The following MYO1E variants were observed in gnomAD, a reference collection of about 807,000 sequenced individuals.
The protein encoded by MYO1E is myosin IE.
In MYO1E, 68 loss-of-function variants were observed where a neutral mutation model predicts 151.1. The ratio of observed to expected loss-of-function variants is 0.45; its 90% CI spans 0.37 to 0.55. The LOEUF is 0.55. Ranked by LOEUF, MYO1E falls within the 20% of genes least tolerant of loss-of-function variation. MYO1E has a pLI of 0.00. For synonymous variants in MYO1E, 601 were observed against 501.7 expected, an observed-to-expected ratio of 1.20 and a Z score of -2.64; for missense variants, 1,363 against 1,389.3, an observed-to-expected ratio of 0.98 and a Z score of 0.30.
At chr15:59,184,549 C>G (rs1218768980) in intron 18 of MYO1E, among the ~76,000 whole-genome samples, 1 of 148,964 alleles carries the variant, frequency 6.7e-6, no homozygotes. Context: ...TTAGTAGAGA[C>G]AGGGTTTCAC....
chr15:59,167,981 A>G (rs1188326480), intron 22 of MYO1E, among the ~76,000 whole-genome samples: 3 of 151,978 alleles, frequency 2.0e-5, no homozygotes, highest in Non-Finnish European at 4.4e-5. Flanking sequence ...ACCCAGCCTA[A>G]TTTTTATTTA....
rs924960906 is a variant in MYO1E, at chr15:59,208,970, G to A, written c.1363-122C>T. Reference sequence around the variant, plus strand: ...ACTTAAGATACCATCTTGAAAGTCAGTATTCCCCTTCAGGCAAGAATGCAA... The same window carrying A: ...ACTTAAGATACCATCTTGAAAGTCAATATTCCCCTTCAGGCAAGAATGCAA... On this transcript the variant is annotated intron_variant, in intron 13 of 27. Coordinates refer to ENST00000288235, the MANE Select transcript of MYO1E (RefSeq NM_004998.4). 3.4e-5 allele frequency: 40 copies of A among 1,188,558 alleles called. No individual in the cohort carries two copies. In the South Asian group the frequency reaches 4.5e-4, roughly 13 times the overall value. The allele number at this position is 1,188,558 out of a possible 1,614,324, so 73.6% of individuals were successfully genotyped here. A position where few individuals can be genotyped will look rare whatever the true frequency, so the allele number is the denominator to read the frequency against.
chr15:59,202,496 G>A (rs1048632428), intron 15 of MYO1E, 89 bp from the exon 16 acceptor site: 20 of 1,173,744 alleles, frequency 1.7e-5, no homozygotes, highest in East Asian at 1.2e-4. Flanking sequence ...GTGAAGGGCC[G>A]TCCCCAGGCA....
chr15:59,276,640 C>T (rs1375589489), intron 1 of MYO1E, among the ~76,000 whole-genome samples: 1 of 152,138 alleles, frequency 6.6e-6, no homozygotes, highest in Non-Finnish European at 1.5e-5. Context: ...AGGGTACGCC[C>T]CTATCCACAT....
At chr15:59,366,793 C>T (rs2080916371) in intron 1 of MYO1E, among the ~76,000 whole-genome samples, 1 of 152,068 alleles carries the variant, frequency 6.6e-6, no homozygotes, top group East Asian at 1.9e-4. Context: ...AAATTCAAAA[C>T]ACAATTTGTT....
At chr15:59,210,859 T>G (rs2079874514) in intron 12 of MYO1E, among the ~76,000 whole-genome samples, 2 of 152,006 alleles carry the variant, frequency 1.3e-5, no homozygotes, top group African/African-American at 4.8e-5. Context: ...TACAATTTAG[T>G]AGCACCGAAC....
At chr15:59,366,231 G>A (rs986606089) in intron 1 of MYO1E, among the ~76,000 whole-genome samples, 5 of 151,842 alleles carry the variant, frequency 3.3e-5, no homozygotes. Context: ...TGCCCACCTC[G>A]GCCCCCCAAA....
chr15:59,272,378 C>T lies in MYO1E; in HGVS notation c.75G>A (p.Val25=). 8 of 1,614,042 alleles carry T rather than the reference C, an allele frequency of 5.0e-6. No individual in the cohort carries two copies. Among genetic ancestry groups the T allele is most frequent in the Non-Finnish European group, 6.8e-6 (8 of 1,179,856 alleles). The part of the protein sequence containing the change: ...NVKHSGVDDM[V]LLSKITENSI... ...AGTTCTCTGTGATCTTGGACAGTAG[C>T]ACCATGTCGTCCACACCACTGTGCT... Residue 25 remains valine (V), a synonymous_variant, in exon 2 of 28, where the codon GTG becomes GTA. Transcript: ENST00000288235.
At chr15:59,328,881 T>C (rs1197247825) in intron 1 of MYO1E, among the ~76,000 whole-genome samples, 11 of 152,174 alleles carry the variant, frequency 7.2e-5, no homozygotes, top group African/African-American at 2.7e-4. Context: ...TCTTAGACTC[T>C]GTGGGAGGGC....
chr15:59,164,960 A>T (rs2079555988), intron 22 of MYO1E, among the ~76,000 whole-genome samples: 1 of 152,162 alleles, frequency 6.6e-6, no homozygotes, highest in African/African-American at 2.4e-5. Flanking sequence ...CTTACAGAAG[A>T]GGTATGACAG....
At chr15:59,286,862 A>G (rs1457392861) in intron 1 of MYO1E, among the ~76,000 whole-genome samples, 1 of 152,154 alleles carries the variant, frequency 6.6e-6, no homozygotes, top group Non-Finnish European at 1.5e-5. Context: ...TTAGGGTATC[A>G]ATGACACATG....
intron 1 of MYO1E, among the ~76,000 whole-genome samples, chr15:59,275,480 C>T (rs2080313130): frequency 6.6e-6 from 1 of 152,112 alleles, no homozygotes; most frequent in African/African-American, 2.4e-5. Flanking sequence ...CATATGTGAA[C>T]TCATTCAACC....
chr15:59,277,619 A>G (rs1367349293), intron 1 of MYO1E, among the ~76,000 whole-genome samples: 3 of 151,900 alleles, frequency 2.0e-5, no homozygotes, highest in African/African-American at 7.3e-5. Context: ...ATTTTTTAGG[A>G]AACTACCTCA....
intron 1 of MYO1E, among the ~76,000 whole-genome samples, chr15:59,311,289 G>C (rs1269950463): frequency 2.0e-5 from 3 of 152,012 alleles, no homozygotes; most frequent in South Asian, 2.1e-4. Flanking sequence ...CACATCATCA[G>C]GCATTAGATT....
Position 59,228,136 on chromosome 15 carries a change from C to G in MYO1E, c.511-546G>C, listed in dbSNP as rs76599878. ...TCTTTAAATGACTGCTAATAGGGAA[C>G]AAAGGAGAATAAAAACCTAGACTGT... On this transcript the variant is annotated intron_variant, in intron 6 of 27. Transcript: ENST00000288235. Among the ~76,000 whole-genome samples, 175 of 152,216 alleles carry G rather than the reference C, an allele frequency of 1.1e-3. 2 individuals carry two copies. The East Asian group carries it at 0.032, about 27-fold the overall frequency.
intron 1 of MYO1E, among the ~76,000 whole-genome samples, chr15:59,319,738 T>C (rs1486799197): frequency 4.6e-5 from 7 of 151,498 alleles, no homozygotes; most frequent in African/African-American, 1.7e-4. Context: ...ACCCTATCTC[T>C]ACTAAAAATA....
rs139257553 is a variant in MYO1E, at chr15:59,141,570, G to A, written c.3081-3203C>T. 2.3e-3 allele frequency among the ~76,000 whole-genome samples: 355 copies of A among 152,230 alleles called. 1 individual carries two copies. Among genetic ancestry groups the A allele is most frequent in the African/African-American group, 8.0e-3 (333 of 41,536 alleles). Reference sequence around the variant, plus strand: ...TCCCAGCACCTTGGGAGGCCAAGGCGGGTGGATCACCTGAAGTCAGGAGTT... The same window carrying A: ...TCCCAGCACCTTGGGAGGCCAAGGCAGGTGGATCACCTGAAGTCAGGAGTT... On this transcript the variant is annotated intron_variant, in intron 26 of 27. Coordinates refer to ENST00000288235, the MANE Select transcript of MYO1E (RefSeq NM_004998.4).
At chr15:59,155,695 T>C (rs1283316533) in intron 25 of MYO1E, among the ~76,000 whole-genome samples, 1 of 152,126 alleles carries the variant, frequency 6.6e-6, no homozygotes, top group Non-Finnish European at 1.5e-5. Flanking sequence ...TAAGTTCCTT[T>C]GTGCTTGGAT....
chr15:59,333,156 T>C (rs1415421630), intron 1 of MYO1E, among the ~76,000 whole-genome samples: 1 of 152,250 alleles, frequency 6.6e-6, no homozygotes, highest in African/African-American at 2.4e-5. Context: ...TTTTAAACTC[T>C]GAAATCCTAT....
Sources: allele counts gnomAD v4.1 joint callset (sites outside exome capture counted in the v4.1 genomes callset), GRCh38; gene constraint gnomAD v4.1.1; transcripts MANE v1.5; gene names NCBI Gene and HGNC (gene_info 2026-07-23, HGNC 2026-07-21).